The following WWP1 variants were observed in gnomAD, a reference collection of about 807,000 sequenced individuals.
The protein encoded by WWP1 is WW domain containing E3 ubiquitin protein ligase 1, also known as NEDD4-like E3 ubiquitin-protein ligase WWP1.
WWP1 carries 49 observed loss-of-function variants against 130.6 expected under a neutral mutation model. That is an observed-to-expected ratio of 0.38 (90% CI 0.30 to 0.48). The LOEUF is 0.48. Ranked by LOEUF, WWP1 falls within the 20% of genes least tolerant of loss-of-function variation. The pLI, the probability that WWP1 is intolerant of heterozygous loss-of-function variation, is 0.99. For missense variants in WWP1, 809 were observed against 1,100.6 expected, an observed-to-expected ratio of 0.74 and a Z score of 3.75; for synonymous variants, 332 against 367.8, an observed-to-expected ratio of 0.90 and a Z score of 1.11.
intron 3 of WWP1, among the ~76,000 whole-genome samples, chr8:86,377,829 AT>A (rs1037553458): frequency 7.3e-5 from 11 of 151,400 alleles, no homozygotes; most frequent in African/African-American, 2.4e-4. Context: ...CATGTTTATA[AT>A]TTTTTTTTAG....
At chr8:86,441,183 G>T (rs1421141863) in intron 17 of WWP1, among the ~76,000 whole-genome samples, 1 of 152,076 alleles carries the variant, frequency 6.6e-6, no homozygotes, top group African/African-American at 2.4e-5. Flanking sequence ...GCATCTGGAG[G>T]GTTTATTCCT....
rs374495964 is a variant in WWP1, at chr8:86,457,395, T to G, written c.2395-526T>G. ...GGAACTAATGAATTTGGATAGCCAG[T>G]TTGGGGGAGATCTATCTGTCTGTCT... On this transcript the variant is annotated intron_variant, in intron 21 of 24. Transcript: ENST00000517970. Among the ~76,000 whole-genome samples the G allele has an allele frequency of 8.7e-5, 13 of 150,128 alleles. No individual in the cohort carries two copies. In the East Asian group the frequency reaches 1.6e-3, roughly 18 times the overall value.
intron 22 of WWP1, 87 bp downstream of exon 22, chr8:86,458,112 T>C: frequency 1.9e-6 from 2 of 1,068,454 alleles, no homozygotes; most frequent in South Asian, 3.0e-5. Context: ...TTATTTTTAA[T>C]TGAGACTGCT....
intron 11 of WWP1, among the ~76,000 whole-genome samples, chr8:86,429,339 G>A (rs1211447791): frequency 2.0e-5 from 3 of 152,278 alleles, no homozygotes; most frequent in South Asian, 4.2e-4. Flanking sequence ...TTATGGCCAC[G>A]TTTCTACCTC....
At chr8:86,440,529 C>T in intron 17 of WWP1, 1 of 344,944 alleles carries the variant, frequency 2.9e-6, no homozygotes, top group South Asian at 2.5e-5. Context: ...TGAGGCCAGC[C>T]CCTTGTAAGA....
chr8:86,448,125 A>C (rs374483987), intron 18 of WWP1, 23 bp from the exon 19 acceptor site: 25 of 1,537,456 alleles, frequency 1.6e-5, no homozygotes, highest in East Asian at 1.2e-4. Flanking sequence ...ATTTTAAATA[A>C]AATTTTTCAT....
At position 86,436,300 on chromosome 8, in the gene WWP1, C is replaced by T. The variant is rs1382551555; in HGVS notation, c.1749+596C>T. ...TACCTCAAAGTTTTGATAATGCTATCAAATTAAAATTAAATTGGTAGATAC... is the reference window on the plus strand; with the variant it reads ...TACCTCAAAGTTTTGATAATGCTATTAAATTAAAATTAAATTGGTAGATAC... On this transcript the variant is annotated intron_variant, in intron 16 of 24. Transcript: ENST00000517970. Among the ~76,000 whole-genome samples, 5 of 152,260 alleles carry T rather than the reference C, an allele frequency of 3.3e-5. No individual in the cohort carries two copies. The East Asian group carries it at 9.7e-4, about 29-fold the overall frequency.
At chr8:86,390,270 G>A (rs1807221627) in intron 5 of WWP1, among the ~76,000 whole-genome samples, 1 of 151,900 alleles carries the variant, frequency 6.6e-6, no homozygotes, top group Non-Finnish European at 1.5e-5. Flanking sequence ...AGGCAGAGAC[G>A]CTCCTCACTT....
intron 8 of WWP1, among the ~76,000 whole-genome samples, chr8:86,409,599 C>T (rs1459907115): frequency 2.0e-5 from 3 of 151,340 alleles, no homozygotes; most frequent in Non-Finnish European, 4.4e-5. Context: ...GTGGCTCATG[C>T]CTGTAATCCC....
chr8:86,432,805 G>A (rs572321893), intron 14 of WWP1, among the ~76,000 whole-genome samples: 4 of 151,848 alleles, frequency 2.6e-5, no homozygotes, highest in South Asian at 2.1e-4. Flanking sequence ...ATGGGGTTTC[G>A]CCATGTTGGC....
intron 5 of WWP1, among the ~76,000 whole-genome samples, chr8:86,397,410 C>T (rs1807737541): frequency 7.8e-6 from 1 of 128,742 alleles, no homozygotes; most frequent in Non-Finnish European, 1.6e-5. Context: ...AATAATTAAA[C>T]CAAACTTATT....
rs373553709 is a variant in WWP1 at position 86,428,419 on chromosome 8, A to T, written c.1332+602A>T. On this transcript the variant is annotated intron_variant, in intron 11 of 24. Coordinates refer to ENST00000517970, the MANE Select transcript of WWP1 (RefSeq NM_007013.4). The stretch of plus-strand genomic sequence containing the variant: ...CTCCTCTGATAAATGGTGTGATCAT[A>T]GGAGGTAGAAAAGATAAATTTTAAG... Among the ~76,000 whole-genome samples the T allele has an allele frequency of 2.6e-5, 4 of 152,354 alleles. No individual in the cohort carries two copies. In the South Asian group the frequency reaches 8.3e-4, roughly 32 times the overall value.
At chr8:86,409,728 G>A (rs73254743) in intron 8 of WWP1, among the ~76,000 whole-genome samples, 20,360 of 151,670 alleles carry the variant, frequency 0.13, 3,664 homozygotes, top group African/African-American at 0.41. Context: ...AGGCGTGGTG[G>A]CGGGTGCCTG....
chr8:86,457,693 C>T (rs1360150556), intron 21 of WWP1, among the ~76,000 whole-genome samples: 5 of 151,972 alleles, frequency 3.3e-5, no homozygotes, highest in Non-Finnish European at 7.4e-5. Flanking sequence ...ACTCTAAATG[C>T]GGTTTTTGGT....
At chr8:86,408,674 G>C (rs1457508629) in intron 8 of WWP1, among the ~76,000 whole-genome samples, 2 of 152,170 alleles carry the variant, frequency 1.3e-5, no homozygotes, top group Non-Finnish European at 2.9e-5. Flanking sequence ...CCAGCATTTT[G>C]GGAGGCCCAG....
intron 8 of WWP1, among the ~76,000 whole-genome samples, chr8:86,407,365 A>G (rs1808340257): frequency 6.6e-6 from 1 of 152,176 alleles, no homozygotes; most frequent in African/African-American, 2.4e-5. Context: ...CATAGGTATC[A>G]GAGTTTCTCA....
chr8:86,428,834 A>G (rs1454490463), intron 11 of WWP1, among the ~76,000 whole-genome samples: 1 of 152,190 alleles, frequency 6.6e-6, no homozygotes, highest in Non-Finnish European at 1.5e-5. Flanking sequence ...ATACATCCAT[A>G]AAAAGTAATA....
intron 1 of WWP1, among the ~76,000 whole-genome samples, chr8:86,366,725 A>G (rs1022031532): frequency 6.6e-5 from 10 of 152,202 alleles, no homozygotes; most frequent in Non-Finnish European, 1.2e-4. Context: ...AGGATTATCA[A>G]AAATCCCAGT....
At chr8:86,458,815 T>A (rs542959305) in intron 22 of WWP1, among the ~76,000 whole-genome samples, 41 of 152,232 alleles carry the variant, frequency 2.7e-4, no homozygotes, top group Admixed American at 7.2e-4. Context: ...TAAAGAGATG[T>A]AGACACTTCT....
Sources: gnomAD v4.1 joint callset for allele counts (sites outside exome capture counted in the v4.1 genomes callset) on GRCh38, gnomAD v4.1.1 for gene constraint, MANE v1.5 for transcripts, NCBI Gene and HGNC (gene_info 2026-07-23, HGNC 2026-07-21) for gene names.